The following MYO5B variants were observed in gnomAD, a reference collection of about 807,000 sequenced individuals.
MYO5B encodes unconventional myosin-Vb.
MYO5B carries 143 observed loss-of-function variants against 229.3 expected under a neutral mutation model. That is an observed-to-expected ratio of 0.62 (90% confidence interval 0.54 to 0.72). The LOEUF is 0.72. Ranked by LOEUF, MYO5B falls within the 30% of genes least tolerant of loss-of-function variation. The pLI, the probability that MYO5B is intolerant of heterozygous loss-of-function variation, is 0.00. For missense variants in MYO5B, 2,321 were observed against 2,331.0 expected, an observed-to-expected ratio of 1.00 and a Z score of 0.09; for synonymous variants, 918 against 885.2, an observed-to-expected ratio of 1.04 and a Z score of -0.66.
chr18:49,911,871 G>C (rs1055642827), intron 18 of MYO5B, among the ~76,000 whole-genome samples, 191 bp downstream of exon 18: 4 of 152,156 alleles, frequency 2.6e-5, no homozygotes, highest in Non-Finnish European at 4.4e-5. Context: ...AAAAGGTTGG[G>C]AAGTGCTCTA....
At chr18:49,838,415 A>G (rs1361671865) in intron 36 of MYO5B, among the ~76,000 whole-genome samples, 1 of 152,190 alleles carries the variant, frequency 6.6e-6, no homozygotes, top group Non-Finnish European at 1.5e-5. Context: ...TTGATATGTC[A>G]GTTCTCCCTC....
chr18:49,989,714 A>T (rs551297562), intron 7 of MYO5B, among the ~76,000 whole-genome samples: 1 of 152,322 alleles, frequency 6.6e-6, no homozygotes, highest in South Asian at 2.1e-4. Context: ...CCTCAAAGCA[A>T]ATGAAACTTG....
Position 49,839,371 on chromosome 18 carries a change from TTAGTCATC to T in MYO5B, c.4702-85_4702-78del. ...CACAACTTCCAGGGCTCTGGTAACTTTAGTCATCTATTTGGTGGGCAGGGGGCCTACTC... is the reference window on the plus strand; with the variant it reads ...CACAACTTCCAGGGCTCTGGTAACTTTATTTGGTGGGCAGGGGGCCTACTC... On this transcript the variant is annotated intron_variant, in intron 35 of 39. Transcript: ENST00000285039. The T allele has an allele frequency of 2.6e-6, 4 of 1,557,578 alleles. No homozygotes were observed. The Admixed American group carries it at 6.7e-5, about 26-fold the overall frequency.
intron 1 of MYO5B, among the ~76,000 whole-genome samples, chr18:50,074,646 T>C (rs2031036218): frequency 6.6e-6 from 1 of 152,144 alleles, no homozygotes; most frequent in African/African-American, 2.4e-5. Context: ...AGTTGAAACA[T>C]CGCCTTCCTT....
chr18:49,934,119 T>C (rs1257048471), intron 16 of MYO5B, among the ~76,000 whole-genome samples: 1 of 152,208 alleles, frequency 6.6e-6, no homozygotes, highest in East Asian at 1.9e-4. Context: ...CAAGTGATCC[T>C]CCTGCCTTGG....
chr18:50,032,847 T>C (rs2026405196), intron 4 of MYO5B, among the ~76,000 whole-genome samples: 2 of 151,936 alleles, frequency 1.3e-5, no homozygotes, highest in South Asian at 2.1e-4. Context: ...TTTAGCTGGG[T>C]GTGGTGGCAG....
intron 10 of MYO5B, among the ~76,000 whole-genome samples, chr18:49,971,157 C>T (rs559219891): frequency 1.7e-3 from 252 of 152,228 alleles, no homozygotes; most frequent in African/African-American, 5.7e-3. Context: ...TTTCTTATGC[C>T]ACAGAGGATG....
At chr18:50,024,474 G>C (rs544506587) in intron 4 of MYO5B, among the ~76,000 whole-genome samples, 1 of 152,156 alleles carries the variant, frequency 6.6e-6, no homozygotes, top group South Asian at 2.1e-4. Context: ...TGTAGAGAAG[G>C]TTTAATGCCC....
At chr18:49,863,407 C>T (rs1294208182) in intron 28 of MYO5B, 80 bp from the exon 29 acceptor site, 7 of 1,240,038 alleles carry the variant, frequency 5.6e-6, no homozygotes, top group Non-Finnish European at 8.2e-6. Flanking sequence ...GGTATAAAAA[C>T]ATGCCTTTGG....
intron 17 of MYO5B, among the ~76,000 whole-genome samples, chr18:49,926,140 C>A (rs187934847): frequency 6.6e-6 from 1 of 152,254 alleles, no homozygotes; most frequent in Non-Finnish European, 1.5e-5. Context: ...CTAGCTAGAG[C>A]AGTTCATCCT....
chr18:49,848,042 C>T (rs1412282789), intron 32 of MYO5B, among the ~76,000 whole-genome samples: 2 of 152,272 alleles, frequency 1.3e-5, no homozygotes, highest in Non-Finnish European at 2.9e-5. Flanking sequence ...GGTAGAGGGA[C>T]AGTGGGCAAC....
At chr18:49,946,585 T>C (rs2025375551) in intron 14 of MYO5B, among the ~76,000 whole-genome samples, 1 of 152,150 alleles carries the variant, frequency 6.6e-6, no homozygotes, top group African/African-American at 2.4e-5. Flanking sequence ...ATTTTATACA[T>C]TAAACAGGGA....
intron 1 of MYO5B, among the ~76,000 whole-genome samples, chr18:50,066,555 G>C (rs1166270947): frequency 1.3e-5 from 2 of 151,798 alleles, no homozygotes; most frequent in African/African-American, 4.8e-5. Flanking sequence ...TAAGAATAGA[G>C]AAGAAATGTT....
At chr18:49,939,922 C>T (rs1461113488) in intron 14 of MYO5B, among the ~76,000 whole-genome samples, 1 of 151,634 alleles carries the variant, frequency 6.6e-6, no homozygotes, top group Non-Finnish European at 1.5e-5. Flanking sequence ...GTAGGAGATT[C>T]AGGCTAAGGC....
chr18:49,977,919 G>C (rs1777529870), intron 9 of MYO5B, among the ~76,000 whole-genome samples: 1 of 152,232 alleles, frequency 6.6e-6, no homozygotes, highest in African/African-American at 2.4e-5. Flanking sequence ...AGGAAACAGA[G>C]AGGTTAGCAC....
At chr18:50,136,588 T>C (rs2276368) in intron 1 of MYO5B, among the ~76,000 whole-genome samples, 14,868 of 152,150 alleles carry the variant, frequency 0.098, 858 homozygotes, top group East Asian at 0.19. Context: ...GGTAGGGTTA[T>C]GTGTGTATAT....
intron 5 of MYO5B, among the ~76,000 whole-genome samples, chr18:49,993,706 T>G (rs1195235543): frequency 1.3e-5 from 2 of 152,114 alleles, no homozygotes; most frequent in South Asian, 4.1e-4. Flanking sequence ...CCTGCAACAT[T>G]GTCACCTCTT....
intron 4 of MYO5B, among the ~76,000 whole-genome samples, chr18:50,004,178 A>G (rs1356710947): frequency 6.6e-6 from 1 of 152,160 alleles, no homozygotes. Context: ...CTGAGGAGGT[A>G]AGTGGCCAGG....
chr18:49,857,696 T>C (rs909555202), intron 29 of MYO5B, among the ~76,000 whole-genome samples: 1 of 152,184 alleles, frequency 6.6e-6, no homozygotes, highest in Non-Finnish European at 1.5e-5. Context: ...ATGCAAACTC[T>C]TTTGCTGTGT....
Sources: allele counts gnomAD v4.1 joint callset (sites outside exome capture counted in the v4.1 genomes callset), GRCh38; gene constraint gnomAD v4.1.1; transcripts MANE v1.5; gene names NCBI Gene and HGNC (gene_info 2026-07-23, HGNC 2026-07-21).